VRK2: variants seen among roughly 807,000 people sequenced by gnomAD.
VRK2 encodes serine/threonine-protein kinase VRK2.
A neutral mutation model predicts 57.6 loss-of-function variants in VRK2; 60 were observed. That is an observed-to-expected ratio of 1.04 (90% CI 0.85 to 1.29). The LOEUF (loss-of-function observed/expected upper bound fraction) is 1.29, where lower values mean the gene tolerates loss of function less well. Ranked by LOEUF, VRK2 falls within the 50% of genes most tolerant of loss-of-function variation. The pLI, the probability that VRK2 is intolerant of heterozygous loss-of-function variation, is 0.00. For synonymous variants in VRK2, 231 were observed against 199.2 expected (o/e 1.16, Z -1.35); for missense variants, 705 against 588.1 (o/e 1.20, Z -2.06).
intron 12 of VRK2, among the ~76,000 whole-genome samples, chr2:58,156,084 C>A (rs1208748786): frequency 6.6e-6 from 1 of 151,874 alleles, no homozygotes; most frequent in Non-Finnish European, 1.5e-5. Context: ...TTTTTGTCCA[C>A]TCTTTAATTA....
chr2:57,993,887 C>T (rs1429983603), intron 1 of VRK2, among the ~76,000 whole-genome samples: 2 of 152,062 alleles, frequency 1.3e-5, no homozygotes, highest in East Asian at 3.9e-4. Flanking sequence ...GAGACAGGGG[C>T]AGGTTGGAGG....
chr2:58,067,461 A>G (rs1259193338), intron 2 of VRK2, among the ~76,000 whole-genome samples: 1 of 152,134 alleles, frequency 6.6e-6, no homozygotes, highest in Non-Finnish European at 1.5e-5. Context: ...TTTAAATGTA[A>G]TTAGGTTTTA....
At chr2:58,145,983 T>C (rs1019666541) in intron 11 of VRK2, among the ~76,000 whole-genome samples, 1 of 152,096 alleles carries the variant, frequency 6.6e-6, no homozygotes, top group Non-Finnish European at 1.5e-5. Context: ...TAGTATTCCA[T>C]GGTGTATATG....
chr2:58,047,042 G>T, intron 1 of VRK2, 174 bp downstream of exon 1: 1 of 932,944 alleles, frequency 1.1e-6, no homozygotes. Flanking sequence ...TTCCGCGTTT[G>T]GTTCTTTTTT....
chr2:58,088,671 A>G (rs1671967501), intron 6 of VRK2, among the ~76,000 whole-genome samples: 1 of 152,234 alleles, frequency 6.6e-6, no homozygotes, highest in Admixed American at 6.5e-5. Context: ...TTGGTTCTCC[A>G]GTCTGATCTT....
intron 11 of VRK2, among the ~76,000 whole-genome samples, chr2:58,140,652 TA>T (rs1385484214): frequency 1.3e-5 from 2 of 152,034 alleles, no homozygotes; most frequent in Non-Finnish European, 2.9e-5. Flanking sequence ...ATGTGACTGA[TA>T]GGCTGCTAGA....
At chr2:58,067,103 T>C (rs1347543187) in intron 2 of VRK2, among the ~76,000 whole-genome samples, 1 of 152,214 alleles carries the variant, frequency 6.6e-6, no homozygotes, top group Non-Finnish European at 1.5e-5. Context: ...CTTCCTGCTC[T>C]TGAAGATTGA....
intron 1 of VRK2, among the ~76,000 whole-genome samples, chr2:58,016,835 A>G (rs1024005730): frequency 5.9e-5 from 9 of 152,164 alleles, no homozygotes; most frequent in Admixed American, 2.6e-4. Flanking sequence ...TCCTCAAAAG[A>G]CATTTGCTTT....
At chr2:57,910,114 A>G (rs894911510) in intron 1 of VRK2, among the ~76,000 whole-genome samples, 3 of 143,836 alleles carry the variant, frequency 2.1e-5, no homozygotes, top group African/African-American at 8.4e-5. Context: ...AGATAGAGGA[A>G]AAAAAAAAAA....
intron 1 of VRK2, among the ~76,000 whole-genome samples, chr2:58,008,178 C>T (rs1673310463): frequency 1.3e-5 from 2 of 151,996 alleles, no homozygotes; most frequent in African/African-American, 4.8e-5. Flanking sequence ...AGTAGAATAA[C>T]TAAAAACTCC....
intron 8 of VRK2, among the ~76,000 whole-genome samples, chr2:58,128,397 T>C (rs1191941163): frequency 2.0e-5 from 3 of 152,184 alleles, no homozygotes; most frequent in African/African-American, 2.4e-5. Flanking sequence ...AGTGGTGCTA[T>C]CTCGGCTCAC....
intron 12 of VRK2, among the ~76,000 whole-genome samples, chr2:58,153,343 T>C (rs1403428306): frequency 6.6e-6 from 1 of 152,064 alleles, no homozygotes; most frequent in Non-Finnish European, 1.5e-5. Flanking sequence ...AGGTTAGCTG[T>C]AGACATTTTT....
chr2:58,072,475 A>G (rs1161374876), intron 2 of VRK2, among the ~76,000 whole-genome samples: 4 of 151,896 alleles, frequency 2.6e-5, no homozygotes, highest in Non-Finnish European at 4.4e-5. Context: ...AATTTTTATG[A>G]TGAATTAGAT....
chr2:58,135,670 G>A (rs1375664165), intron 10 of VRK2, among the ~76,000 whole-genome samples: 1 of 151,742 alleles, frequency 6.6e-6, no homozygotes, highest in Non-Finnish European at 1.5e-5. Context: ...TGAACTGCCA[G>A]CAAAAAAAAA....
intron 1 of VRK2, among the ~76,000 whole-genome samples, chr2:58,020,785 C>G (rs1455904310): frequency 2.0e-5 from 3 of 152,128 alleles, no homozygotes; most frequent in Non-Finnish European, 4.4e-5. Flanking sequence ...AAAGTAAAAT[C>G]TCCAAGTTAA....
intron 2 of VRK2, among the ~76,000 whole-genome samples, chr2:58,072,338 T>C (rs766799867): frequency 3.9e-5 from 6 of 152,014 alleles, no homozygotes; most frequent in Non-Finnish European, 8.8e-5. Context: ...ACATCCTTGC[T>C]TTGTTCCCAG....
At chr2:58,061,474 T>C (rs1423790057) in intron 2 of VRK2, among the ~76,000 whole-genome samples, 1 of 151,914 alleles carries the variant, frequency 6.6e-6, no homozygotes, top group Non-Finnish European at 1.5e-5. Flanking sequence ...TAAGCCTCAA[T>C]TAAAGAAGAT....
intron 1 of VRK2, among the ~76,000 whole-genome samples, chr2:57,941,959 C>T (rs1198183237): frequency 6.6e-6 from 1 of 152,142 alleles, no homozygotes; most frequent in East Asian, 1.9e-4. Flanking sequence ...ATATATTTTG[C>T]CCACTTAAAA....
At chr2:57,954,397 A>T (rs1352418595) in intron 1 of VRK2, among the ~76,000 whole-genome samples, 1 of 152,134 alleles carries the variant, frequency 6.6e-6, no homozygotes, top group Non-Finnish European at 1.5e-5. Context: ...ACAAAGGTCC[A>T]GATAGGCTAA....
Sources: allele counts gnomAD v4.1 joint callset (sites outside exome capture counted in the v4.1 genomes callset), GRCh38; gene constraint gnomAD v4.1.1; transcripts MANE v1.5; gene names NCBI Gene and HGNC (gene_info 2026-07-23, HGNC 2026-07-21).